Variants in RCBTB1 observed in about 807,000 individuals in gnomAD.
RCBTB1 encodes RCC1 and BTB domain containing protein 1.
In RCBTB1, 46 loss-of-function variants were observed where a neutral mutation model predicts 62.4. That is an observed-to-expected ratio of 0.74 (90% CI 0.58 to 0.94). RCBTB1 has a LOEUF of 0.94. RCBTB1 is among the 40% of genes least tolerant of loss of function. The pLI is 0.00. For synonymous variants in RCBTB1, 222 were observed against 245.8 expected, an observed-to-expected ratio of 0.90 and a Z score of 0.91; for missense variants, 565 against 654.9, an observed-to-expected ratio of 0.86 and a Z score of 1.50.
intron 10 of RCBTB1, among the ~76,000 whole-genome samples, chr13:49,543,295 A>G (rs1163873522): frequency 1.3e-5 from 2 of 152,154 alleles, no homozygotes; most frequent in Non-Finnish European, 2.9e-5. Flanking sequence ...CATTCAGAAT[A>G]CTAAAAAAAT....
intron 2 of RCBTB1, among the ~76,000 whole-genome samples, chr13:49,579,089 C>A (rs2137390213): frequency 6.6e-6 from 1 of 152,302 alleles, no homozygotes; most frequent in South Asian, 2.1e-4. Flanking sequence ...TGAGACTGAG[C>A]AAATGCTGTC....
Position 49,555,760 on chromosome 13 carries a change from C to A in RCBTB1, c.445-87G>T. The A allele has an allele frequency of 1.0e-5, 10 of 997,970 alleles. No homozygotes were observed. The South Asian group carries it at 1.2e-4, about 12-fold the overall frequency. 61.8% of individuals were successfully genotyped at this position (997,970 alleles called of 1,614,324 possible). ...AAATAATCATAAAAATTAAAATTAT[C>A]CTACTTAATGAGTACTTAAGATGTG... On this transcript the variant is annotated intron_variant, in intron 5 of 12. Transcript: ENST00000378302.
At chr13:49,547,980 T>C (rs1960957751) in intron 9 of RCBTB1, among the ~76,000 whole-genome samples, 1 of 152,128 alleles carries the variant, frequency 6.6e-6, no homozygotes, top group Non-Finnish European at 1.5e-5. Flanking sequence ...GGTTTCGCCA[T>C]GTTGCCCAGG....
At chr13:49,543,948 A>G (rs983340825) in intron 10 of RCBTB1, among the ~76,000 whole-genome samples, 4 of 152,150 alleles carry the variant, frequency 2.6e-5, no homozygotes, top group Non-Finnish European at 5.9e-5. Flanking sequence ...TGGCCTCCCA[A>G]AGTCCTAGGA....
rs1262789485 is a variant in RCBTB1, at chr13:49,533,859, T to C, written c.*263A>G. On this transcript the variant is annotated 3_prime_UTR_variant, in exon 13 of 13. Transcript: ENST00000378302. ...AAAGAAGACCAAAAACGACTAACTT[T>C]CACCCTTTTACATGTTCCAGCCCAA... is the stretch of plus-strand genomic sequence containing the variant. 8 of 295,980 alleles carry C rather than the reference T, an allele frequency of 2.7e-5. No individual in the cohort carries two copies. The highest frequency in any genetic ancestry group is 5.0e-5 in the Non-Finnish European group (8 of 161,450). 18.3% of individuals were successfully genotyped at this position (295,980 alleles called of 1,614,324 possible). A position where few individuals can be genotyped will look rare whatever the true frequency, so the allele number is the denominator to read the frequency against.
At chr13:49,565,348 G>A (rs1487799258) in intron 4 of RCBTB1, among the ~76,000 whole-genome samples, 1 of 152,174 alleles carries the variant, frequency 6.6e-6, no homozygotes, top group Non-Finnish European at 1.5e-5. Flanking sequence ...GTGCAGTGGT[G>A]TGATCTCGGC....
chr13:49,577,363 T>C (rs1478788701), intron 2 of RCBTB1, among the ~76,000 whole-genome samples: 1 of 152,214 alleles, frequency 6.6e-6, no homozygotes, highest in Non-Finnish European at 1.5e-5. Flanking sequence ...TTATGGAGAT[T>C]TTAAAAACAA....
intron 4 of RCBTB1, among the ~76,000 whole-genome samples, chr13:49,565,971 T>C (rs9596153): frequency 0.23 from 33,207 of 146,204 alleles, 4,825 homozygotes; most frequent in African/African-American, 0.42. Context: ...ACCCCCAACC[T>C]GGTGCTCTCT....
chr13:49,540,985 G>A lies in RCBTB1; in HGVS notation c.1346C>T (p.Ser449Phe). Residue 449 changes from serine to phenylalanine, a missense_variant, in exon 12 of 13, where the codon TCT becomes TTT. By Grantham distance (155) the Ser-to-Phe change is radical. Transcript: ENST00000378302. ...DAIGLLDLAT[S>F]YCENRLKKLC... ...TTTTTTCAGTCTGTTTTCACAGTAA[G>A]ATGTCGCCAAATCCAGAAGACCTAA... 2 of 1,612,698 alleles carry A rather than the reference G, an allele frequency of 1.2e-6. No individual in the cohort carries two copies. The highest frequency in any genetic ancestry group is 1.7e-6 in the Non-Finnish European group (2 of 1,179,932).
At chr13:49,558,768 T>C (rs1242919875) in intron 5 of RCBTB1, among the ~76,000 whole-genome samples, 1 of 149,824 alleles carries the variant, frequency 6.7e-6, no homozygotes, top group African/African-American at 2.5e-5. Context: ...AACAACACAG[T>C]CAAACACCCT....
chr13:49,554,124 G>C (rs1323372897), intron 6 of RCBTB1, among the ~76,000 whole-genome samples: 1 of 152,146 alleles, frequency 6.6e-6, no homozygotes, highest in Non-Finnish European at 1.5e-5. Flanking sequence ...CGGGAAGCAG[G>C]CTGAAGAATA....
intron 2 of RCBTB1, among the ~76,000 whole-genome samples, chr13:49,568,852 C>A (rs1165150723): frequency 2.0e-5 from 3 of 152,130 alleles, no homozygotes; most frequent in Non-Finnish European, 4.4e-5. Flanking sequence ...TCACTTGAAC[C>A]CGGGAGGCGG....
chr13:49,538,758 TAC>T (rs10640169), intron 12 of RCBTB1, among the ~76,000 whole-genome samples: 6 of 150,072 alleles, frequency 4.0e-5, no homozygotes, highest in African/African-American at 1.5e-4. Context: ...TATATATATA[TAC>T]ACACACACAC....
chr13:49,548,208 T>G (rs1960990243), intron 9 of RCBTB1, among the ~76,000 whole-genome samples: 1 of 151,668 alleles, frequency 6.6e-6, no homozygotes, highest in African/African-American at 2.4e-5. Context: ...TGATCAACAT[T>G]GTGAAACTCT....
At chr13:49,549,772 C>T (rs1961167225) in intron 8 of RCBTB1, 124 bp from the exon 9 acceptor site, 1 of 1,439,492 alleles carries the variant, frequency 6.9e-7, no homozygotes, top group Non-Finnish European at 9.1e-7. Flanking sequence ...TCCAGGGACA[C>T]TAGCTGCCAA....
chr13:49,582,441 C>T (rs1964158625), intron 1 of RCBTB1, among the ~76,000 whole-genome samples: 1 of 152,108 alleles, frequency 6.6e-6, no homozygotes, highest in Non-Finnish European at 1.5e-5. Context: ...GAGCCAAGAT[C>T]ACACCACTGC....
chr13:49,574,787 C>T (rs116226094), intron 2 of RCBTB1, among the ~76,000 whole-genome samples: 11,609 of 151,886 alleles, frequency 0.076, 514 homozygotes, highest in African/African-American at 0.13. Context: ...TAGTTGTATA[C>T]CAACGGTCAA....
intron 9 of RCBTB1, among the ~76,000 whole-genome samples, chr13:49,545,923 C>G (rs1024131634): frequency 2.6e-5 from 4 of 152,166 alleles, no homozygotes; most frequent in African/African-American, 4.8e-5. Flanking sequence ...CAGACTCTCC[C>G]CCAAGGCATT....
chr13:49,556,453 G>C (rs148118639), intron 5 of RCBTB1, among the ~76,000 whole-genome samples: 4,795 of 152,134 alleles, frequency 0.032, 188 homozygotes, highest in Admixed American at 0.11. Context: ...GCCTCCCAAA[G>C]TGCTGGGATT....
Sources: gnomAD v4.1 joint callset for allele counts (sites outside exome capture counted in the v4.1 genomes callset) on GRCh38, gnomAD v4.1.1 for gene constraint, MANE v1.5 for transcripts, NCBI Gene and HGNC (gene_info 2026-07-23, HGNC 2026-07-21) for gene names.